JARID2: variants seen among roughly 807,000 people sequenced by gnomAD.
JARID2 encodes the protein jumonji and AT-rich interaction domain containing 2.
Under a neutral mutation model 125.6 loss-of-function variants are expected in JARID2, and 21 were observed. The ratio of observed to expected loss-of-function variants is 0.17; its 90% CI spans 0.12 to 0.24. JARID2 has a LOEUF of 0.24. Among genes scored for constraint, JARID2 ranks in the 10% least tolerant of loss-of-function variants. The probability of loss-of-function intolerance (pLI) is 1.00; values close to 1 mark genes in which losing one functional copy is unlikely to be tolerated. For missense variants in JARID2, 1,303 were observed against 1,639.6 expected (o/e 0.79, Z 3.55); for synonymous variants, 736 against 661.6 (o/e 1.11, Z -1.73).
In JARID2 at chr6:15,366,484, G is replaced by T. The variant is rs1404154540; in HGVS notation, c.46-7633G>T. Among the ~76,000 whole-genome samples the T allele has an allele frequency of 2.3e-5, 3 of 128,746 alleles. No individual in the cohort carries two copies. In the Admixed American group the frequency reaches 2.8e-4, roughly 12 times the overall value. The allele number at this position is 128,746 out of a possible 152,430, so 84.5% of individuals were successfully genotyped here. On this transcript the variant is annotated intron_variant, in intron 1 of 17. Transcript: ENST00000341776. ...ACATCCCTCCACCTGTAGAGCTCTAGCGATCTCTATATGTGGGTGGGGGGC... is the reference window on the plus strand; with the variant it reads ...ACATCCCTCCACCTGTAGAGCTCTATCGATCTCTATATGTGGGTGGGGGGC...
At chr6:15,248,806 C>A in intron 1 of JARID2, 2 of 562,016 alleles carry the variant, frequency 3.6e-6, no homozygotes, top group Non-Finnish European at 4.5e-6. Context: ...CGTCAAAAGT[C>A]GGGCGGGAGG....
intron 1 of JARID2, among the ~76,000 whole-genome samples, chr6:15,273,074 A>G (rs1760361170): frequency 1.3e-5 from 2 of 152,186 alleles, no homozygotes; most frequent in Admixed American, 6.5e-5. Context: ...TAGGGGATTC[A>G]GCATATGGCA....
intron 6 of JARID2, among the ~76,000 whole-genome samples, chr6:15,494,553 C>T (rs1325440489): frequency 6.6e-6 from 1 of 151,606 alleles, no homozygotes; most frequent in South Asian, 2.1e-4. Context: ...GGACTACAGG[C>T]GCACACCGCC....
At chr6:15,519,075 T>C (rs1042831907) in intron 17 of JARID2, among the ~76,000 whole-genome samples, 4 of 152,214 alleles carry the variant, frequency 2.6e-5, no homozygotes, top group Admixed American at 2.0e-4. Context: ...CCGCCGAGCC[T>C]AGTGTGAGAG....
intron 3 of JARID2, among the ~76,000 whole-genome samples, chr6:15,427,977 A>G (rs1382193673): frequency 1.3e-5 from 2 of 151,894 alleles, no homozygotes; most frequent in South Asian, 2.1e-4. Flanking sequence ...TTTAACTAAG[A>G]TGAGAATTGA....
chr6:15,321,949 G>A (rs962855488), intron 1 of JARID2, among the ~76,000 whole-genome samples: 2 of 151,756 alleles, frequency 1.3e-5, no homozygotes, highest in African/African-American at 4.8e-5. Flanking sequence ...CCAGCACTAC[G>A]CCCAGCTAAT....
At chr6:15,254,765 C>T (rs74385450) in intron 1 of JARID2, among the ~76,000 whole-genome samples, 11,599 of 152,140 alleles carry the variant, frequency 0.076, 584 homozygotes, top group African/African-American at 0.13. Flanking sequence ...CAGGGCCGGG[C>T]GCGGTGGCTC....
chr6:15,508,414 C>T lies in JARID2; in HGVS notation c.2806C>T (p.Pro936Ser). The T allele has an allele frequency of 6.2e-7, 1 of 1,609,500 alleles. No homozygotes were observed. Among genetic ancestry groups the T allele is most frequent in the Non-Finnish European group, 8.5e-7 (1 of 1,175,734 alleles). ...SCWSRDQNHL[P>S]YIDYLHTGAD... is the part of the protein sequence containing the mutation. ...CTGGTCTCGAGACCAAAATCACCTTCCATACATTGACTACTTACACACTGG... is the reference window on the plus strand; with the variant it reads ...CTGGTCTCGAGACCAAAATCACCTTTCATACATTGACTACTTACACACTGG... Residue 936 changes from proline to serine, a missense_variant, in exon 12 of 18, where the codon CCA becomes TCA. Physicochemically the swap from Pro to Ser is moderately conservative, Grantham distance 74. Coordinates refer to ENST00000341776, the MANE Select transcript of JARID2 (RefSeq NM_004973.4).
At chr6:15,348,815 T>A (rs1171985060) in intron 1 of JARID2, among the ~76,000 whole-genome samples, 1 of 152,216 alleles carries the variant, frequency 6.6e-6, no homozygotes, top group Non-Finnish European at 1.5e-5. Flanking sequence ...TAGGCTTTGC[T>A]GTTTAGGTTT....
At chr6:15,429,804 C>T (rs10949302) in intron 3 of JARID2, among the ~76,000 whole-genome samples, 18,270 of 152,062 alleles carry the variant, frequency 0.12, 1,205 homozygotes, top group Non-Finnish European at 0.14. Flanking sequence ...GAGAAATGTA[C>T]ACACACGTTT....
At chr6:15,403,517 G>A (rs968813769) in intron 2 of JARID2, among the ~76,000 whole-genome samples, 7 of 152,060 alleles carry the variant, frequency 4.6e-5, no homozygotes, top group Admixed American at 1.3e-4. Flanking sequence ...AGCTCAAGGC[G>A]TTTATTGCCT....
rs1771608834 is a variant in JARID2, at chr6:15,517,285, G to GGGGTA, written c.3558+21_3558+25dup. On this transcript the variant is annotated intron_variant, in intron 17 of 17. Transcript: ENST00000341776. ...TACGATGAGGTCAGTCCCTGCCCGC[G>GGGGTA]GGGTAGGGCAGGGCGGCAGCGTGGC... 6.4e-7 allele frequency: 1 copy of GGGGTA among 1,567,328 alleles called. No individual in the cohort carries two copies. The highest frequency in any genetic ancestry group is 1.1e-5 in the South Asian group (1 of 90,242).
At chr6:15,418,919 A>ATG (rs1396441003) in intron 3 of JARID2, among the ~76,000 whole-genome samples, 1 of 152,158 alleles carries the variant, frequency 6.6e-6, no homozygotes, top group Non-Finnish European at 1.5e-5. Flanking sequence ...AGTTACTTTG[A>ATG]TGGTATAAAA....
chr6:15,517,652 T>G (rs764797514), intron 17 of JARID2, among the ~76,000 whole-genome samples: 1 of 152,212 alleles, frequency 6.6e-6, no homozygotes, highest in South Asian at 2.1e-4. Context: ...CACCAGCCCC[T>G]TCAGGCTGAG....
chr6:15,485,361 C>T (rs1199257568), intron 5 of JARID2, among the ~76,000 whole-genome samples: 4 of 152,076 alleles, frequency 2.6e-5, no homozygotes, highest in African/African-American at 7.2e-5. Context: ...TAGAAGGAAA[C>T]TTAGAAGATT....
intron 1 of JARID2, among the ~76,000 whole-genome samples, chr6:15,320,115 T>C (rs775480843): frequency 6.6e-6 from 1 of 152,248 alleles, no homozygotes; most frequent in Non-Finnish European, 1.5e-5. Flanking sequence ...ATATTTACCA[T>C]GGTGAGCCGA....
At chr6:15,409,768 C>G (rs754915400) in intron 2 of JARID2, among the ~76,000 whole-genome samples, 1 of 152,156 alleles carries the variant, frequency 6.6e-6, no homozygotes, top group Non-Finnish European at 1.5e-5. Context: ...TAAGATGTAG[C>G]TGCAAAGATA....
chr6:15,496,062 T>C, intron 6 of JARID2, 70 bp from the exon 7 acceptor site: 3 of 1,313,894 alleles, frequency 2.3e-6, no homozygotes, highest in Non-Finnish European at 3.2e-6. Context: ...TTCTCACGGG[T>C]GGGCCGGTCA....
chr6:15,308,212 C>A (rs568165592), intron 1 of JARID2, among the ~76,000 whole-genome samples: 21 of 152,100 alleles, frequency 1.4e-4, no homozygotes, highest in African/African-American at 5.1e-4. Context: ...GAACAAGTGC[C>A]ATGTTAAATA....
Sources: allele counts gnomAD v4.1 joint callset (sites outside exome capture counted in the v4.1 genomes callset), GRCh38; gene constraint gnomAD v4.1.1; transcripts MANE v1.5; gene names NCBI Gene and HGNC (gene_info 2026-07-23, HGNC 2026-07-21).